SUN3: variants seen among roughly 807,000 people sequenced by gnomAD.
SUN3 encodes the protein SUN domain-containing protein 3.
In SUN3, 36 loss-of-function variants were observed where a neutral mutation model predicts 48.2. That is an observed-to-expected ratio of 0.75 (90% CI 0.57 to 0.99). The LOEUF (loss-of-function observed/expected upper bound fraction) is 0.99. Among genes scored for constraint, SUN3 ranks in the 50% least tolerant of loss-of-function variants. SUN3 has a pLI of 0.00. For missense variants in SUN3, 419 were observed against 433.1 expected, an observed-to-expected ratio of 0.97 and a Z score of 0.29; for synonymous variants, 148 against 147.9, an observed-to-expected ratio of 1.00 and a Z score of 0.00.
chr7:48,027,648 A>G (rs1003375099), intron 1 of SUN3, among the ~76,000 whole-genome samples: 1 of 152,222 alleles, frequency 6.6e-6, no homozygotes, highest in African/African-American at 2.4e-5. Flanking sequence ...TATTCACTAG[A>G]GTGGGCCGCC....
At chr7:48,031,233 A>AT (rs1322093703), upstream of SUN3, among the ~76,000 whole-genome samples, 1 of 152,204 alleles carries the variant, frequency 6.6e-6, no homozygotes, top group Non-Finnish European at 1.5e-5. Flanking sequence ...CTAAATAGAC[A>AT]TTTTTTTCCA....
At chr7:48,015,127 T>C (rs1184847767) in intron 3 of SUN3, among the ~76,000 whole-genome samples, 1 of 152,162 alleles carries the variant, frequency 6.6e-6, no homozygotes, top group Non-Finnish European at 1.5e-5. Flanking sequence ...CAACGAAGCT[T>C]AGGCACAAAT....
chr7:47,995,828 T>C (rs1235453456), intron 7 of SUN3, among the ~76,000 whole-genome samples: 1 of 152,168 alleles, frequency 6.6e-6, no homozygotes, highest in Admixed American at 6.5e-5. Flanking sequence ...AATAAGTAAA[T>C]AATTAATCAT....
chr7:48,028,395 T>C (rs1460375220), intron 1 of SUN3, among the ~76,000 whole-genome samples: 2 of 138,014 alleles, frequency 1.4e-5, no homozygotes, highest in African/African-American at 5.8e-5. Context: ...CCCAAGAATG[T>C]AATAAATGCC....
At chr7:48,017,237 A>G in intron 3 of SUN3, 25 bp downstream of exon 3, 1 of 1,331,944 alleles carries the variant, frequency 7.5e-7, no homozygotes, top group Non-Finnish European at 1.1e-6. Flanking sequence ...TGAGTGATAT[A>G]CAAAATTACT....
the SUN3 span, chr7:48,035,655 A>C: frequency 1.7e-5 from 11 of 651,466 alleles, no homozygotes; most frequent in Non-Finnish European, 3.1e-5. This position sits in a 1 kb window ranked among gnomAD's most constrained non-coding sequence, Gnocchi z 4.0. Context: ...GCTGGAGGAC[A>C]ATGGGGGCGC....
intron 8 of SUN3, among the ~76,000 whole-genome samples, chr7:47,992,659 A>T (rs1038955011): frequency 6.6e-6 from 1 of 152,116 alleles, no homozygotes; most frequent in Non-Finnish European, 1.5e-5. Flanking sequence ...ACAAGGCTGG[A>T]GCAAAATGCT....
chr7:48,011,180 C>G (rs902228796), intron 3 of SUN3, among the ~76,000 whole-genome samples: 1 of 152,194 alleles, frequency 6.6e-6, no homozygotes, highest in African/African-American at 2.4e-5. Flanking sequence ...GTAGACATAT[C>G]TTTTTGGGAA....
At chr7:47,990,755 G>C (rs1789035628) in intron 8 of SUN3, among the ~76,000 whole-genome samples, 1 of 151,784 alleles carries the variant, frequency 6.6e-6, no homozygotes, top group African/African-American at 2.4e-5. Context: ...GGATCTGATG[G>C]AATACTATGC....
At chr7:48,006,891 A>ATTTC (rs146559377) in intron 5 of SUN3, among the ~76,000 whole-genome samples, 199 of 152,078 alleles carry the variant, frequency 1.3e-3, no homozygotes, top group African/African-American at 3.6e-3. Context: ...AGAGACTGTT[A>ATTTC]TTTCTTTCTT....
chr7:48,028,689 A>G (rs1790203080), intron 1 of SUN3, 128 bp downstream of exon 1: 1 of 1,257,280 alleles, frequency 8.0e-7, no homozygotes, highest in Admixed American at 2.3e-5. Flanking sequence ...GAAACTATTG[A>G]AAATGATTTT....
intron 5 of SUN3, 39 bp from the exon 6 acceptor site, chr7:48,006,092 T>G: frequency 1.4e-6 from 2 of 1,391,964 alleles, no homozygotes; most frequent in Non-Finnish European, 2.0e-6. Context: ...TTAACAATCT[T>G]TGCCAACTGC....
At chr7:48,023,058 G>C (rs755499223) in intron 2 of SUN3, among the ~76,000 whole-genome samples, 1 of 152,076 alleles carries the variant, frequency 6.6e-6, no homozygotes, top group Non-Finnish European at 1.5e-5. Context: ...ACTCAATGCC[G>C]CATGAAGCAA....
At position 48,006,029 on chromosome 7, in the gene SUN3, C is replaced by T. The variant is rs1367163086; in HGVS notation, c.517G>A (p.Val173Ile). ...TGGTCTTCTCTCAACTTTTTAAGTACATAATTGACCAAGTTTGACACTTCC... is the reference window on the plus strand; with the variant it reads ...TGGTCTTCTCTCAACTTTTTAAGTATATAATTGACCAAGTTTGACACTTCC... ...TEEVSNLVNY[V>I]LKKLREDQVE... is the part of the protein sequence containing the mutation. The change falls in exon 6 of 10, where the codon GTA becomes ATA. Residue 173 changes from valine (V) to isoleucine (I), a missense_variant. Coordinates refer to ENST00000297325, the MANE Select transcript of SUN3 (RefSeq NM_001030019.2). The T allele has an allele frequency of 1.2e-6, 2 of 1,611,562 alleles. No individual in the cohort carries two copies. Among genetic ancestry groups the T allele is most frequent in the Non-Finnish European group, 8.5e-7 (1 of 1,178,752 alleles).
chr7:47,991,824 C>A (rs1789072569), intron 8 of SUN3, among the ~76,000 whole-genome samples: 1 of 151,966 alleles, frequency 6.6e-6, no homozygotes. Flanking sequence ...GGGAAAGGAG[C>A]CCAAATCTGC....
Position 48,007,258 on chromosome 7 carries a change from C to T in SUN3, c.399G>A (p.Leu133=). The T allele has an allele frequency of 6.2e-7, 1 of 1,614,146 alleles. No individual in the cohort carries two copies. The highest frequency in any genetic ancestry group is 1.1e-5 in the South Asian group (1 of 91,086). The change falls in exon 5 of 10, where the codon CTG becomes CTA. Residue 133 remains leucine, a synonymous_variant. Coordinates refer to ENST00000297325, the MANE Select transcript of SUN3 (RefSeq NM_001030019.2). The stretch of plus-strand genomic sequence containing the variant: ...CCTTCATATCTCTTAGCAATGCCTT[C>T]AGGACATCTATTTGTTCGATCAAAA... The part of the protein sequence containing the change: ...ILFLIEQIDV[L]KALLRDMKDG...
chr7:48,023,663 A>T (rs1216135511), intron 2 of SUN3, among the ~76,000 whole-genome samples: 1 of 152,210 alleles, frequency 6.6e-6, no homozygotes, highest in Non-Finnish European at 1.5e-5. Flanking sequence ...TAAAAACATG[A>T]TTCAACTATA....
At chr7:48,014,442 A>T (rs930968061) in intron 3 of SUN3, among the ~76,000 whole-genome samples, 1 of 152,216 alleles carries the variant, frequency 6.6e-6, no homozygotes, top group Non-Finnish European at 1.5e-5. Context: ...ATTACATTTT[A>T]GTTAAAAGGG....
At chr7:48,023,597 T>G (rs1428283406) in intron 2 of SUN3, among the ~76,000 whole-genome samples, 1 of 152,182 alleles carries the variant, frequency 6.6e-6, no homozygotes. Context: ...GTAATTAATG[T>G]AAATGAAAAT....
Sources: allele counts gnomAD v4.1 joint callset (sites outside exome capture counted in the v4.1 genomes callset), GRCh38; gene constraint gnomAD v4.1.1; non-coding constraint Gnocchi (gnomAD v3.1); transcripts MANE v1.5; gene names NCBI Gene and HGNC (gene_info 2026-07-23, HGNC 2026-07-21).